The following SAMMSON variants were observed in gnomAD, a reference collection of about 807,000 sequenced individuals.
SAMMSON encodes long intergenic non-protein coding RNA 1212.
intron 4 of SAMMSON, among the ~76,000 whole-genome samples, chr3:70,193,839 A>C (rs1332014454): frequency 1.8e-4 from 27 of 152,174 alleles, no homozygotes; most frequent in Admixed American, 1.8e-3. Context: ...CTGCCTATCA[A>C]ATATTTCCAT....
intron 4 of SAMMSON, among the ~76,000 whole-genome samples, chr3:70,239,140 T>C (rs770517243): frequency 3.3e-5 from 5 of 152,226 alleles, no homozygotes; most frequent in Admixed American, 3.3e-4. Context: ...ATCAGTTCTA[T>C]TCAATTTGCA....
chr3:70,280,656 G>C (rs1275392801), intron 6 of SAMMSON, among the ~76,000 whole-genome samples: 1 of 152,096 alleles, frequency 6.6e-6, no homozygotes, highest in Admixed American at 6.6e-5. Context: ...TCTCCTCTGA[G>C]GCTGGCCATA....
At chr3:70,144,456 A>G (rs2067540015) in intron 4 of SAMMSON, among the ~76,000 whole-genome samples, 1 of 152,136 alleles carries the variant, frequency 6.6e-6, no homozygotes, top group South Asian at 2.1e-4. Flanking sequence ...TGCTGTCATC[A>G]GATTCCCAAG....
chr3:70,119,078 T>A (rs549442506), intron 4 of SAMMSON, among the ~76,000 whole-genome samples: 13 of 152,312 alleles, frequency 8.5e-5, no homozygotes, highest in Admixed American at 2.6e-4. Context: ...TATTATTATT[T>A]TTTTTGAGAC....
intron 7 of SAMMSON, among the ~76,000 whole-genome samples, chr3:70,330,365 T>A (rs1315832694): frequency 4.6e-5 from 7 of 152,014 alleles, no homozygotes; most frequent in African/African-American, 9.6e-5. Context: ...CTGATGTACA[T>A]GAAAAGTGAA....
At chr3:70,192,961 G>A (rs1026731204) in intron 4 of SAMMSON, among the ~76,000 whole-genome samples, 5 of 152,040 alleles carry the variant, frequency 3.3e-5, no homozygotes, top group Admixed American at 6.6e-5. Flanking sequence ...TGTGCCTTAC[G>A]GATGTTTAGC....
intron 4 of SAMMSON, among the ~76,000 whole-genome samples, chr3:70,225,745 A>G (rs759024001): frequency 1.2e-4 from 19 of 152,366 alleles, no homozygotes; most frequent in Non-Finnish European, 2.4e-4. Context: ...GGTGATAAGA[A>G]CAAAAACACT....
At chr3:70,412,926 T>C (rs890988888) in intron 2 of SAMMSON, among the ~76,000 whole-genome samples, 1 of 152,174 alleles carries the variant, frequency 6.6e-6, no homozygotes, top group African/African-American at 2.4e-5. Flanking sequence ...TCAAAAATGA[T>C]GCCTAGCAAG....
chr3:70,204,343 T>C (rs1357837774), intron 4 of SAMMSON: 1 of 152,174 alleles, frequency 6.6e-6, no homozygotes, highest in Non-Finnish European at 1.5e-5. Flanking sequence ...TTAATTACAA[T>C]TACTATCGAA....
rs375905925 is a variant in SAMMSON, at chr3:70,251,872, CTTG to C, written n.674+2208_674+2210del. On this transcript the variant is annotated intron_variant and non_coding_transcript_variant, in intron 6 of 9. Coordinates refer to ENST00000642114, the Ensembl canonical transcript of SAMMSON. The stretch of plus-strand genomic sequence containing the variant: ...TAGATAAGCAAGAAAGAAATAAATG[CTTG>C]TTGTTATTTGCCATTGAAATTTGGG... Among the ~76,000 whole-genome samples, 789 of 152,252 alleles carry C rather than the reference CTTG, an allele frequency of 5.2e-3. 8 individuals are homozygous for C. The highest frequency in any genetic ancestry group is 0.018 in the African/African-American group (761 of 41,540).
intron 1 of SAMMSON, among the ~76,000 whole-genome samples, chr3:70,011,096 G>A (rs988198023): frequency 6.6e-6 from 1 of 151,920 alleles, no homozygotes; most frequent in Non-Finnish European, 1.5e-5. Context: ...ATTACTCAAG[G>A]GTTCTTCACC....
intron 4 of SAMMSON, among the ~76,000 whole-genome samples, chr3:70,189,861 T>C (rs1701118405): frequency 6.6e-6 from 1 of 152,232 alleles, no homozygotes; most frequent in Non-Finnish European, 1.5e-5. Context: ...TTTAAACTAC[T>C]CTTTTTGATC....
intron 9 of SAMMSON, among the ~76,000 whole-genome samples, chr3:70,371,163 A>T (rs371758596): frequency 6.6e-6 from 1 of 152,060 alleles, no homozygotes; most frequent in Non-Finnish European, 1.5e-5. Context: ...ATTCTGTTCC[A>T]TTGGTCTTTG....
chr3:70,415,177 T>C (rs1575644692), intron 2 of SAMMSON, among the ~76,000 whole-genome samples: 1 of 152,178 alleles, frequency 6.6e-6, no homozygotes, highest in Non-Finnish European at 1.5e-5. Flanking sequence ...GTGTGGCTGG[T>C]AATATTTAAG....
intron 4 of SAMMSON, among the ~76,000 whole-genome samples, chr3:70,174,907 C>A (rs1379802983): frequency 6.6e-6 from 1 of 151,952 alleles, no homozygotes; most frequent in Admixed American, 6.6e-5. Context: ...CAGTTTATTT[C>A]CCAAATTCTA....
chr3:70,114,815 G>T (rs1340838185), intron 4 of SAMMSON, among the ~76,000 whole-genome samples: 1 of 152,198 alleles, frequency 6.6e-6, no homozygotes, highest in East Asian at 1.9e-4. Context: ...TACTATATAT[G>T]AAGATATCAA....
rs565739338 is a variant in SAMMSON, at chr3:70,378,672, A to G, written n.914-10902A>G. 3.9e-5 allele frequency among the ~76,000 whole-genome samples: 6 copies of G among 152,280 alleles called. No individual in the cohort carries two copies. In the South Asian group the frequency reaches 1.2e-3, roughly 32 times the overall value. ...ATATAAATGAAAACATAAATGGGCA[A>G]TATCTATCAAAATTACTTATGCATT... On this transcript the variant is annotated intron_variant and non_coding_transcript_variant, in intron 9 of 9. Coordinates refer to ENST00000642114, the Ensembl canonical transcript of SAMMSON.
exon 2 of SAMMSON, chr3:70,012,423 G>T (rs1227717916): frequency 6.6e-6 from 1 of 151,980 alleles, no homozygotes; most frequent in Non-Finnish European, 1.5e-5. Flanking sequence ...CAGAGTCAAA[G>T]GAAGACTTGA....
chr3:70,174,353 G>A (rs1291185836), intron 4 of SAMMSON, among the ~76,000 whole-genome samples: 1 of 151,944 alleles, frequency 6.6e-6, no homozygotes, highest in East Asian at 1.9e-4. Context: ...CTTTAAGGGA[G>A]TGTAAGTGGT....
Sources: allele counts gnomAD v4.1 joint callset (sites outside exome capture counted in the v4.1 genomes callset), GRCh38; gene constraint gnomAD v4.1.1; transcripts MANE v1.5; gene names NCBI Gene and HGNC (gene_info 2026-07-23, HGNC 2026-07-21).